SIPA1L1: variants seen among roughly 807,000 people sequenced by gnomAD.
The protein encoded by SIPA1L1 is signal induced proliferation associated 1 like 1, also known as signal-induced proliferation-associated 1-like protein 1.
A neutral mutation model predicts 162.7 loss-of-function variants in SIPA1L1; 26 were observed. That is an observed-to-expected ratio of 0.16 (90% confidence interval 0.12 to 0.22). The LOEUF (loss-of-function observed/expected upper bound fraction) is 0.22. SIPA1L1 is among the 10% of genes least tolerant of loss of function. The pLI, the probability that SIPA1L1 is intolerant of heterozygous loss-of-function variation, is 1.00. For synonymous variants in SIPA1L1, 829 were observed against 837.4 expected (o/e 0.99, Z 0.17); for missense variants, 1,874 against 2,241.0 (o/e 0.84, Z 3.31).
chr14:71,345,977 C>T (rs1041164865), intron 2 of SIPA1L1, among the ~76,000 whole-genome samples: 2 of 151,964 alleles, frequency 1.3e-5, no homozygotes, highest in Admixed American at 6.6e-5. Context: ...GCACGATCTT[C>T]GCTCACTGCA....
intron 13 of SIPA1L1, among the ~76,000 whole-genome samples, chr14:71,687,574 A>G (rs1486078234): frequency 2.6e-5 from 4 of 152,252 alleles, no homozygotes; most frequent in Non-Finnish European, 5.9e-5. Flanking sequence ...TAATTTCTGC[A>G]ACAGAAACTA....
chr14:71,730,214 G>C lies in SIPA1L1; in HGVS notation c.4774G>C (p.Val1592Leu), dbSNP rs747750831. 1 of 1,614,094 alleles carries C rather than the reference G, an allele frequency of 6.2e-7. No homozygotes were observed. Among genetic ancestry groups the C allele is most frequent in the Non-Finnish European group, 8.5e-7 (1 of 1,180,022 alleles). Residue 1592 changes from valine to leucine, a missense_variant, in exon 20 of 24, where the codon GTC becomes CTC. Val to Leu is a conservative substitution (Grantham distance 32, BLOSUM62 1). This residue lies in a region of SIPA1L1 where 936 missense variants were observed against 1,051.9 expected (regional missense o/e 0.89). Coordinates refer to ENST00000381232, the MANE Select transcript of SIPA1L1 (RefSeq NM_001386936.1). ...TCTGGACCAAGCCCTGCCCAACGAC[G>C]TCCTCTTCAGTAGCACGTACCCTTC... The part of the protein sequence containing the change: ...SLLDQALPND[V>L]LFSSTYPSLP...
intron 13 of SIPA1L1, among the ~76,000 whole-genome samples, chr14:71,693,359 T>G (rs1001804300): frequency 6.6e-6 from 1 of 152,036 alleles, no homozygotes; most frequent in Non-Finnish European, 1.5e-5. Flanking sequence ...ATTAGCTGGG[T>G]GTGGTGGCGG....
chr14:71,398,728 CAGAT>C (rs1263225454), intron 2 of SIPA1L1, among the ~76,000 whole-genome samples: 38 of 152,294 alleles, frequency 2.5e-4, no homozygotes, highest in Admixed American at 8.5e-4. Flanking sequence ...TGACAGACAC[CAGAT>C]AGATAGTAAG....
chr14:71,551,054 C>T (rs949167523), intron 4 of SIPA1L1, among the ~76,000 whole-genome samples: 3 of 152,170 alleles, frequency 2.0e-5, no homozygotes, highest in Non-Finnish European at 4.4e-5. Context: ...TTGCTCTTCC[C>T]TCTGCCTGGA....
rs183351121 is a variant in SIPA1L1, at chr14:71,398,125, C to T, written c.-465+76944C>T. ...CCGCCTCCTGGGTTCACGCCATTCT[C>T]CTGCCTCAGCCTCCCGAATGGCTGG... On this transcript the variant is annotated intron_variant, in intron 2 of 23. Coordinates refer to ENST00000381232, the MANE Select transcript of SIPA1L1 (RefSeq NM_001386936.1). Among the ~76,000 whole-genome samples the T allele has an allele frequency of 2.0e-5, 3 of 148,870 alleles. No individual in the cohort carries two copies. In the Admixed American group the frequency reaches 2.0e-4, roughly 10 times the overall value.
At chr14:71,571,795 C>A (rs1415144085) in intron 4 of SIPA1L1, among the ~76,000 whole-genome samples, 3 of 151,544 alleles carry the variant, frequency 2.0e-5, no homozygotes, top group African/African-American at 7.3e-5. Flanking sequence ...GCGCCTGCCA[C>A]CATGCCTGGC....
At chr14:71,417,562 G>A (rs2042896428) in intron 2 of SIPA1L1, among the ~76,000 whole-genome samples, 1 of 145,464 alleles carries the variant, frequency 6.9e-6, no homozygotes, top group African/African-American at 2.6e-5. Context: ...GGATCATAAA[G>A]GTCTTTATCC....
At chr14:71,694,172 G>A (rs562575978) in intron 13 of SIPA1L1, among the ~76,000 whole-genome samples, 6 of 152,256 alleles carry the variant, frequency 3.9e-5, no homozygotes, top group East Asian at 1.9e-4. Context: ...CGTCCTGTGA[G>A]TTGATTCATG....
At chr14:71,482,378 C>A (rs2048417382) in intron 2 of SIPA1L1, among the ~76,000 whole-genome samples, 1 of 152,124 alleles carries the variant, frequency 6.6e-6, no homozygotes, top group Non-Finnish European at 1.5e-5. Flanking sequence ...GTAGAAGCTT[C>A]AAAATCAAGT....
At chr14:71,701,833 GT>G (rs889888547) in intron 14 of SIPA1L1, among the ~76,000 whole-genome samples, 1 of 152,166 alleles carries the variant, frequency 6.6e-6, no homozygotes, top group African/African-American at 2.4e-5. Flanking sequence ...AATTTATACA[GT>G]TTGAACGTGG....
chr14:71,701,006 A>G (rs1379016251), intron 14 of SIPA1L1, among the ~76,000 whole-genome samples: 1 of 26,840 alleles, frequency 3.7e-5, no homozygotes, highest in Admixed American at 4.5e-4. Context: ...AAAAAAAAAA[A>G]AAAAAAAAAA....
At chr14:71,448,949 C>G (rs2045614224) in intron 2 of SIPA1L1, 1 of 152,248 alleles carries the variant, frequency 6.6e-6, no homozygotes, top group African/African-American at 2.4e-5. Context: ...CATAGCAGGA[C>G]CCCATCTCTT....
At chr14:71,556,329 T>G (rs1231620231) in intron 4 of SIPA1L1, among the ~76,000 whole-genome samples, 1 of 152,174 alleles carries the variant, frequency 6.6e-6, no homozygotes, top group East Asian at 1.9e-4. Flanking sequence ...AAGCTGTGGG[T>G]TTTTTTCTCC....
intron 10 of SIPA1L1, among the ~76,000 whole-genome samples, chr14:71,665,142 A>T (rs1232181653): frequency 1.3e-5 from 2 of 152,222 alleles, no homozygotes; most frequent in Non-Finnish European, 2.9e-5. Flanking sequence ...ACAGAAAGAT[A>T]AATTTGGAGA....
chr14:71,700,189 T>C (rs1156660642), intron 14 of SIPA1L1, among the ~76,000 whole-genome samples: 2 of 151,446 alleles, frequency 1.3e-5, no homozygotes, highest in Non-Finnish European at 2.9e-5. Flanking sequence ...GCCAGAAAAA[T>C]GTCCAGCTTT....
chr14:71,525,913 C>T (rs1261241300), intron 3 of SIPA1L1, among the ~76,000 whole-genome samples: 2 of 152,226 alleles, frequency 1.3e-5, no homozygotes, highest in Non-Finnish European at 2.9e-5. Flanking sequence ...CCATCTGTTA[C>T]TTTCCTTCCT....
chr14:71,437,148 T>G (rs2044452423), intron 2 of SIPA1L1, among the ~76,000 whole-genome samples: 1 of 152,208 alleles, frequency 6.6e-6, no homozygotes, highest in Admixed American at 6.5e-5. Context: ...TTTTAAAGCA[T>G]TGATCCTCTA....
At chr14:71,527,513 T>C (rs184202684) in intron 3 of SIPA1L1, among the ~76,000 whole-genome samples, 76 of 152,254 alleles carry the variant, frequency 5.0e-4, no homozygotes, top group Non-Finnish European at 1.3e-4. Context: ...AGCCCTCTTA[T>C]TAATTTGTAA....
Sources: allele counts gnomAD v4.1 joint callset (sites outside exome capture counted in the v4.1 genomes callset), GRCh38; gene constraint gnomAD v4.1.1; regional missense constraint gnomAD v4.1.1; transcripts MANE v1.5; gene names NCBI Gene and HGNC (gene_info 2026-07-23, HGNC 2026-07-21).